ZCWPW2: variants seen among roughly 807,000 people sequenced by gnomAD.
ZCWPW2 encodes zinc finger CW-type PWWP domain protein 2.
A neutral mutation model predicts 46.6 loss-of-function variants in ZCWPW2; 45 were observed. The ratio of observed to expected loss-of-function variants is 0.96; its 90% confidence interval spans 0.76 to 1.24. The LOEUF (loss-of-function observed/expected upper bound fraction) is 1.24. ZCWPW2 is among the 50% of genes most tolerant of loss of function. The pLI is 0.00. For synonymous variants in ZCWPW2, 152 were observed against 137.1 expected, an observed-to-expected ratio of 1.11 and a Z score of -0.76; for missense variants, 429 against 403.9, an observed-to-expected ratio of 1.06 and a Z score of -0.53.
intron 4 of ZCWPW2, among the ~76,000 whole-genome samples, chr3:28,476,637 TG>T (rs1424125780): frequency 3.3e-5 from 5 of 152,282 alleles, no homozygotes; most frequent in African/African-American, 1.2e-4. Flanking sequence ...GGGATGGTTT[TG>T]GGATGATTCA....
At chr3:28,493,133 A>AT (rs1266340321) in intron 6 of ZCWPW2, among the ~76,000 whole-genome samples, 26 of 41,394 alleles carry the variant, frequency 6.3e-4, no homozygotes, top group Admixed American at 2.4e-3. Context: ...ATTTTTTTTT[A>AT]TTTTATTTTT....
rs149441777 is a variant in ZCWPW2, at chr3:28,469,557, G to A, written c.493-9257G>A. On this transcript the variant is annotated intron_variant, in intron 4 of 9. Coordinates refer to ENST00000383768, the MANE Select transcript of ZCWPW2 (RefSeq NM_001040432.4). The stretch of plus-strand genomic sequence containing the variant: ...CCATGCCAGTGGAAACCACAAAAGA[G>A]CATGAGTAGATATACTTAATACCAG... Among the ~76,000 whole-genome samples, 378 of 151,970 alleles carry A rather than the reference G, an allele frequency of 2.5e-3. 1 individual carries two copies. The highest frequency in any genetic ancestry group is 8.3e-3 in the African/African-American group (345 of 41,478).
intron 2 of ZCWPW2, among the ~76,000 whole-genome samples, chr3:28,402,153 A>G (rs181438256): frequency 1.4e-4 from 21 of 152,264 alleles, no homozygotes; most frequent in African/African-American, 4.8e-4. Context: ...CTTTGAAAAG[A>G]TAAATAAAAC....
chr3:28,390,229 G>GT (rs376222336), intron 1 of ZCWPW2, among the ~76,000 whole-genome samples: 160 of 152,128 alleles, frequency 1.1e-3, no homozygotes, highest in African/African-American at 3.4e-3. Flanking sequence ...ACTTCATGGT[G>GT]TATTTCAAAA....
chr3:28,489,312 A>C (rs1279604851), intron 5 of ZCWPW2, among the ~76,000 whole-genome samples: 1 of 152,074 alleles, frequency 6.6e-6, no homozygotes, highest in Non-Finnish European at 1.5e-5. Flanking sequence ...GAGGTTTTCA[A>C]AAGAACAAAG....
At chr3:28,478,276 C>G in intron 4 of ZCWPW2, 1 of 299,606 alleles carries the variant, frequency 3.3e-6, no homozygotes, top group South Asian at 2.7e-5. Context: ...CAGAGTCTTA[C>G]TCTCTCACCT....
At position 28,420,118 on chromosome 3, in the gene ZCWPW2, G is replaced by T. The variant is rs546442379; in HGVS notation, c.332+6718G>T. ...CTGGAATCATTGATTTTTTGAAGGGGTTTTTGTGTCTGTATTTCCTTCAGT... is the reference window on the plus strand; with the variant it reads ...CTGGAATCATTGATTTTTTGAAGGGTTTTTTGTGTCTGTATTTCCTTCAGT... On this transcript the variant is annotated intron_variant, in intron 3 of 9. Coordinates refer to ENST00000383768, the MANE Select transcript of ZCWPW2 (RefSeq NM_001040432.4). Among the ~76,000 whole-genome samples, 386 of 151,652 alleles carry T rather than the reference G, an allele frequency of 2.5e-3. 1 individual carries two copies. Among genetic ancestry groups the T allele is most frequent in the African/African-American group, 8.4e-3 (349 of 41,400 alleles).
At chr3:28,439,195 A>G (rs1288801773) in intron 4 of ZCWPW2, among the ~76,000 whole-genome samples, 1 of 151,368 alleles carries the variant, frequency 6.6e-6, no homozygotes, top group Non-Finnish European at 1.5e-5. Flanking sequence ...ATTAAGTATT[A>G]ACTTACATGA....
At chr3:28,397,406 A>G (rs1695745411) in intron 2 of ZCWPW2, among the ~76,000 whole-genome samples, 1 of 152,210 alleles carries the variant, frequency 6.6e-6, no homozygotes, top group Non-Finnish European at 1.5e-5. Flanking sequence ...GCGGTGGCTC[A>G]TGCCTCTAAT....
chr3:28,497,787 C>T (rs1162647222), intron 6 of ZCWPW2, among the ~76,000 whole-genome samples: 1 of 152,050 alleles, frequency 6.6e-6, no homozygotes, highest in Non-Finnish European at 1.5e-5. Flanking sequence ...CTTCTATCTA[C>T]AAGCTTCTGC....
intron 3 of ZCWPW2, among the ~76,000 whole-genome samples, chr3:28,428,727 C>T (rs1257577298): frequency 2.0e-5 from 3 of 152,060 alleles, no homozygotes; most frequent in Admixed American, 6.6e-5. Context: ...AGCAATTCCC[C>T]CATGCTGTTC....
At chr3:28,405,448 T>A (rs1344895987) in intron 2 of ZCWPW2, among the ~76,000 whole-genome samples, 1 of 152,158 alleles carries the variant, frequency 6.6e-6, no homozygotes, top group East Asian at 1.9e-4. Context: ...AGAAAAAGCG[T>A]ACATTGCTGT....
chr3:28,441,564 A>G (rs768483800), intron 4 of ZCWPW2, among the ~76,000 whole-genome samples: 9 of 152,224 alleles, frequency 5.9e-5, no homozygotes, highest in East Asian at 1.9e-4. Context: ...TCTTCTGTCA[A>G]CTGATCATAG....
At chr3:28,480,213 T>G (rs138646212) in intron 5 of ZCWPW2, among the ~76,000 whole-genome samples, 298 of 152,242 alleles carry the variant, frequency 2.0e-3, no homozygotes, top group African/African-American at 6.7e-3. Flanking sequence ...CTATTTCTCC[T>G]CAACCTCACC....
chr3:28,524,464 T>C, intron 9 of ZCWPW2, 63 bp from the exon 10 acceptor site: 1 of 1,541,190 alleles, frequency 6.5e-7, no homozygotes, highest in Middle Eastern at 1.7e-4. Flanking sequence ...TACTACTTTA[T>C]GTTTTGTTCA....
chr3:28,400,236 AAAC>A lies in ZCWPW2; in HGVS notation c.-14+9631_-14+9633del, dbSNP rs985328075. Among the ~76,000 whole-genome samples the A allele has an allele frequency of 9.9e-5, 15 of 152,208 alleles. No homozygotes were observed. In the South Asian group the frequency reaches 1.7e-3, roughly 17 times the overall value. On this transcript the variant is annotated intron_variant, in intron 2 of 9. Transcript: ENST00000383768. ...ATTAAACCAATCCAACAAAGACAAA[AAAC>A]AACAACAACAAAAAAGAAAATATGA...
intron 3 of ZCWPW2, 61 bp from the exon 4 acceptor site, chr3:28,435,048 GA>G (rs1399491314): frequency 5.1e-6 from 8 of 1,562,520 alleles, no homozygotes; most frequent in East Asian, 2.3e-5. Context: ...GCGATTGATA[GA>G]CGTGTTGATG....
At position 28,521,014 on chromosome 3, in the gene ZCWPW2, A is replaced by G; in HGVS notation, c.807A>G (p.Leu269=). ...ENRVVCETEV[L]LKELEQMLQQ... is the part of the protein sequence containing the mutation. Reference sequence around the variant, plus strand: ...TAGTTGTCTGTGAGACGGAAGTTTTACTAAAAGAGCTGGAGCAAATGCTGC... The same window carrying G: ...TAGTTGTCTGTGAGACGGAAGTTTTGCTAAAAGAGCTGGAGCAAATGCTGC... Residue 269 remains leucine (L), a synonymous_variant, in exon 9 of 10, where the codon TTA becomes TTG. Coordinates refer to ENST00000383768, the MANE Select transcript of ZCWPW2 (RefSeq NM_001040432.4). 1 of 1,613,560 alleles carries G rather than the reference A, an allele frequency of 6.2e-7. No homozygotes were observed. Among genetic ancestry groups the G allele is most frequent in the South Asian group, 1.1e-5 (1 of 91,034 alleles).
intron 1 of ZCWPW2, among the ~76,000 whole-genome samples, chr3:28,384,460 G>T (rs763224112): frequency 2.0e-4 from 30 of 151,992 alleles, no homozygotes; most frequent in Non-Finnish European, 4.1e-4. Context: ...TTCAGACTAT[G>T]TATTCTGGGT....
Sources: allele counts gnomAD v4.1 joint callset (sites outside exome capture counted in the v4.1 genomes callset), GRCh38; gene constraint gnomAD v4.1.1; transcripts MANE v1.5; gene names NCBI Gene and HGNC (gene_info 2026-07-23, HGNC 2026-07-21).